Variants in OSBPL8 observed in about 807,000 individuals in gnomAD.
The protein encoded by OSBPL8 is oxysterol-binding protein-related protein 8.
In OSBPL8, 59 loss-of-function variants were observed where a neutral mutation model predicts 125.5. The ratio of observed to expected loss-of-function variants is 0.47; its 90% CI spans 0.38 to 0.58. The LOEUF is 0.58. Ranked by LOEUF, OSBPL8 falls within the 20% of genes least tolerant of loss-of-function variation. The pLI, the probability that OSBPL8 is intolerant of heterozygous loss-of-function variation, is 0.00. For missense variants in OSBPL8, 758 were observed against 1,047.8 expected (o/e 0.72, Z 3.82); for synonymous variants, 330 against 338.9 (o/e 0.97, Z 0.29).
intron 9 of OSBPL8, among the ~76,000 whole-genome samples, chr12:76,393,854 T>C (rs1953676068): frequency 6.6e-6 from 1 of 151,236 alleles, no homozygotes; most frequent in African/African-American, 2.4e-5. Flanking sequence ...AAACCGTCTC[T>C]ACTAAAAATA....
Position 76,386,678 on chromosome 12 carries a change from A to T in OSBPL8, c.1353-18T>A. ...GAGCTGCCCTAAAACACAAAACGGT[A>T]AACAAAAATTTTAAAAAATGTATCA... On this transcript the variant is annotated intron_variant, in intron 12 of 23. Transcript: ENST00000261183. The T allele has an allele frequency of 1.3e-6, 2 of 1,571,058 alleles. No homozygotes were observed. The highest frequency in any genetic ancestry group is 8.7e-7 in the Non-Finnish European group (1 of 1,155,792).
intron 1 of OSBPL8, among the ~76,000 whole-genome samples, chr12:76,542,303 C>A (rs1287016590): frequency 2.0e-5 from 3 of 152,192 alleles, no homozygotes; most frequent in Non-Finnish European, 4.4e-5. Flanking sequence ...ACTAGCTCTC[C>A]CTCTATCTCA....
intron 1 of OSBPL8, among the ~76,000 whole-genome samples, chr12:76,511,977 T>A (rs1881044922): frequency 6.6e-6 from 1 of 152,238 alleles, no homozygotes; most frequent in Non-Finnish European, 1.5e-5. Context: ...TTGTTAAATT[T>A]ATTTTTATTT....
chr12:76,538,507 A>C (rs1950557335), intron 1 of OSBPL8, among the ~76,000 whole-genome samples: 1 of 152,222 alleles, frequency 6.6e-6, no homozygotes, highest in Non-Finnish European at 1.5e-5. Flanking sequence ...AGGATTATGA[A>C]ATATTTTAAA....
intron 1 of OSBPL8, among the ~76,000 whole-genome samples, chr12:76,536,283 T>G (rs377191076): frequency 6.6e-6 from 1 of 151,896 alleles, no homozygotes; most frequent in Non-Finnish European, 1.5e-5. Context: ...GGTCAAAAGT[T>G]AGAGACCTGC....
At chr12:76,524,749 T>C (rs1363393851) in intron 1 of OSBPL8, among the ~76,000 whole-genome samples, 1 of 150,308 alleles carries the variant, frequency 6.7e-6, no homozygotes, top group Admixed American at 6.7e-5. Context: ...AGTGGCACAA[T>C]CCTGGCTCAC....
intron 4 of OSBPL8, among the ~76,000 whole-genome samples, chr12:76,439,162 C>T (rs942971986): frequency 2.6e-5 from 4 of 152,176 alleles, no homozygotes; most frequent in Admixed American, 2.0e-4. Flanking sequence ...GTGCAGATCA[C>T]GAGGTCAGGA....
intron 4 of OSBPL8, among the ~76,000 whole-genome samples, chr12:76,427,796 G>A (rs1195931871): frequency 1.3e-5 from 2 of 151,980 alleles, no homozygotes; most frequent in South Asian, 2.1e-4. Context: ...ACAGATTCTG[G>A]TCTATGGATA....
chr12:76,403,858 T>C (rs1180571013), intron 5 of OSBPL8, among the ~76,000 whole-genome samples: 1 of 152,174 alleles, frequency 6.6e-6, no homozygotes, highest in Admixed American at 6.5e-5. Context: ...ACACATTTAT[T>C]TGTCAATGAT....
chr12:76,481,292 A>G (rs1424272762), intron 2 of OSBPL8, among the ~76,000 whole-genome samples: 1 of 152,238 alleles, frequency 6.6e-6, no homozygotes, highest in Non-Finnish European at 1.5e-5. Context: ...GGTAAAATTT[A>G]AAGAAGTGCT....
At chr12:76,505,628 A>C (rs1234512974) in intron 1 of OSBPL8, among the ~76,000 whole-genome samples, 1 of 152,056 alleles carries the variant, frequency 6.6e-6, no homozygotes, top group East Asian at 1.9e-4. Context: ...CATTGAAATG[A>C]CTCTGAGTCA....
intron 1 of OSBPL8, among the ~76,000 whole-genome samples, chr12:76,549,425 T>C (rs558819865): frequency 1.3e-5 from 2 of 152,332 alleles, no homozygotes; most frequent in East Asian, 3.9e-4. Flanking sequence ...TGACTCCTTC[T>C]TTTTTTCTTT....
intron 1 of OSBPL8, among the ~76,000 whole-genome samples, chr12:76,505,739 G>A (rs1592809217): frequency 2.6e-5 from 4 of 152,182 alleles, no homozygotes; most frequent in Admixed American, 2.6e-4. Context: ...GCAGGAGCAT[G>A]TGGCACATCT....
intron 12 of OSBPL8, among the ~76,000 whole-genome samples, chr12:76,388,790 A>G (rs1025716312): frequency 9.9e-5 from 15 of 152,132 alleles, no homozygotes; most frequent in African/African-American, 3.6e-4. Flanking sequence ...AGGGAGGTTA[A>G]CATTTTGTCT....
intron 1 of OSBPL8, among the ~76,000 whole-genome samples, chr12:76,548,470 TCTC>T (rs1015869124): frequency 6.6e-6 from 1 of 152,090 alleles, no homozygotes; most frequent in African/African-American, 2.4e-5. Flanking sequence ...GACAGCTATA[TCTC>T]CCATCCCCTA....
intron 1 of OSBPL8, among the ~76,000 whole-genome samples, chr12:76,491,444 C>A (rs1045939310): frequency 6.6e-6 from 1 of 152,086 alleles, no homozygotes; most frequent in Non-Finnish European, 1.5e-5. Context: ...GTATAAAAGG[C>A]CTTACTGAAA....
chr12:76,356,714 G>A lies in OSBPL8; in HGVS notation c.2449C>T (p.Pro817Ser), dbSNP rs779068032. Reference protein sequence around the residue: ...SSGSEAQSVKPSTRRKKGIEL... With the variant: ...SSGSEAQSVKSSTRRKKGIEL... ...ATTCCTTTCTTTCTTCTTGTACTTG[G>A]TTTTACTGATTGAGCTAAAAAGACA... The change falls in exon 23 of 24, where the codon CCA becomes TCA. Residue 817 changes from proline to serine, a missense_variant. This residue lies in a region of OSBPL8 where 572 missense variants were observed against 762.0 expected (regional missense o/e 0.75). Coordinates refer to ENST00000261183, the MANE Select transcript of OSBPL8 (RefSeq NM_020841.5). The A allele has an allele frequency of 1.1e-5, 18 of 1,604,196 alleles. No individual in the cohort carries two copies. Among genetic ancestry groups the A allele is most frequent in the Non-Finnish European group, 1.4e-5 (17 of 1,174,066 alleles).
intron 16 of OSBPL8, 34 bp downstream of exon 16, chr12:76,378,418 C>A: frequency 7.3e-7 from 1 of 1,377,530 alleles, no homozygotes; most frequent in Non-Finnish European, 1.0e-6. Flanking sequence ...AAAAGGAAAG[C>A]TTAATATCTA....
chr12:76,544,154 A>C (rs911696310), intron 1 of OSBPL8, among the ~76,000 whole-genome samples: 3 of 152,198 alleles, frequency 2.0e-5, no homozygotes, highest in African/African-American at 4.8e-5. Flanking sequence ...TTGCCATCCC[A>C]CAAAACAATT....
Sources: allele counts gnomAD v4.1 joint callset (sites outside exome capture counted in the v4.1 genomes callset), GRCh38; gene constraint gnomAD v4.1.1; regional missense constraint gnomAD v4.1.1; transcripts MANE v1.5; gene names NCBI Gene and HGNC (gene_info 2026-07-23, HGNC 2026-07-21).